NTSR1: variants seen among roughly 807,000 people sequenced by gnomAD.
NTSR1 encodes neurotensin receptor type 1.
A neutral mutation model predicts 31.2 loss-of-function variants in NTSR1; 29 were observed. That is an observed-to-expected ratio of 0.93 (90% CI 0.69 to 1.27). NTSR1 has a LOEUF of 1.27. Among genes scored for constraint, NTSR1 ranks in the 50% most tolerant of loss-of-function variants. NTSR1 has a pLI of 0.00. For synonymous variants in NTSR1, 282 were observed against 269.9 expected (o/e 1.04, Z -0.44); for missense variants, 697 against 595.4 (o/e 1.17, Z -1.78).
At chr20:62,717,728 T>TATCC (rs926353990) in intron 1 of NTSR1, among the ~76,000 whole-genome samples, 1 of 152,152 alleles carries the variant, frequency 6.6e-6, no homozygotes, top group Non-Finnish European at 1.5e-5. Flanking sequence ...GGCTAACATC[T>TATCC]TTCCTTCCTT....
rs541305307 is a variant in NTSR1 at position 62,740,646 on chromosome 20, G to A, written c.715-14039G>A. Among the ~76,000 whole-genome samples, 349 of 152,364 alleles carry A rather than the reference G, an allele frequency of 2.3e-3. 2 individuals are homozygous for A. The highest frequency in any genetic ancestry group is 4.5e-3 in the Non-Finnish European group (305 of 68,032). On this transcript the variant is annotated intron_variant, in intron 1 of 3. Transcript: ENST00000370501. ...CACGGTTTCCTCATCTGAGAAACAG[G>A]AGTGCGAGGCCCTACCAGGGATCCT...
chr20:62,713,735 T>C (rs1171904165), intron 1 of NTSR1, among the ~76,000 whole-genome samples: 1 of 152,236 alleles, frequency 6.6e-6, no homozygotes, highest in Non-Finnish European at 1.5e-5. Flanking sequence ...GCTGCAGCCC[T>C]GCCACAGGCA....
chr20:62,738,743 A>T (rs2427437), intron 1 of NTSR1, among the ~76,000 whole-genome samples: 3 of 152,242 alleles, frequency 2.0e-5, no homozygotes, highest in Non-Finnish European at 2.9e-5. Flanking sequence ...GTCCAGGCTC[A>T]CGCTGGTCCT....
In NTSR1 at chr20:62,709,762, C is replaced by T. The variant is rs1286313591; in HGVS notation, c.555C>T (p.Thr185=). ...KAKTLMSRSR[T]KKFISAIWLA... is the part of the protein sequence containing the mutation. ...AGACCCTCATGTCCCGAAGCCGCAC[C>T]AAGAAGTTCATCAGCGCCATCTGGC... is the stretch of plus-strand genomic sequence containing the variant. Residue 185 remains threonine (T), a synonymous_variant, in exon 1 of 4, where the codon ACC becomes ACT. Coordinates refer to ENST00000370501, the MANE Select transcript of NTSR1 (RefSeq NM_002531.3). The T allele has an allele frequency of 1.2e-6, 2 of 1,613,082 alleles. No homozygotes were observed. Among genetic ancestry groups the T allele is most frequent in the South Asian group, 2.2e-5 (2 of 91,090 alleles).
chr20:62,762,657 G>C lies in NTSR1; in HGVS notation c.*2390G>C, dbSNP rs1018621050. On this transcript the variant is annotated 3_prime_UTR_variant, in exon 4 of 4. Coordinates refer to ENST00000370501, the MANE Select transcript of NTSR1 (RefSeq NM_002531.3). ...TCCGGAGCCCCTGAGCCGGCCCCTGGTGACGGCACAGCCCTCACAGCTCAA... is the reference window on the plus strand; with the variant it reads ...TCCGGAGCCCCTGAGCCGGCCCCTGCTGACGGCACAGCCCTCACAGCTCAA... 6.6e-6 allele frequency: 1 copy of C among 152,124 alleles called. No homozygotes were observed. Among genetic ancestry groups the C allele is most frequent in the Non-Finnish European group, 1.5e-5 (1 of 68,022 alleles). The allele number at this position is 152,124 out of a possible 1,614,324, so 9.4% of individuals were successfully genotyped here.
intron 1 of NTSR1, among the ~76,000 whole-genome samples, chr20:62,737,071 CT>C (rs1201835390): frequency 1.3e-5 from 2 of 152,238 alleles, no homozygotes; most frequent in Non-Finnish European, 2.9e-5. Flanking sequence ...CCTTTATAAA[CT>C]ACACAGTCTC....
chr20:62,734,527 C>T (rs1173113112), intron 1 of NTSR1, among the ~76,000 whole-genome samples: 1 of 152,236 alleles, frequency 6.6e-6, no homozygotes, highest in African/African-American at 2.4e-5. Flanking sequence ...GCTCTGGGTT[C>T]TCTGCTGAGC....
chr20:62,731,233 C>T (rs1277088851), intron 1 of NTSR1, among the ~76,000 whole-genome samples: 1 of 152,060 alleles, frequency 6.6e-6, no homozygotes, highest in African/African-American at 2.4e-5. Context: ...TACAGGCGTG[C>T]ACCACCATGC....
At chr20:62,710,736 A>G (rs1426892405) in intron 1 of NTSR1, among the ~76,000 whole-genome samples, 2 of 152,168 alleles carry the variant, frequency 1.3e-5, no homozygotes, top group Non-Finnish European at 2.9e-5. Flanking sequence ...GGGGGGTTCC[A>G]GTGCTGGAGG....
rs528071350 is a variant in NTSR1 at position 62,733,380 on chromosome 20, G to A, written c.715-21305G>A. Among the ~76,000 whole-genome samples the A allele has an allele frequency of 3.9e-5, 6 of 152,306 alleles. No homozygotes were observed. Among genetic ancestry groups the A allele is most frequent in the South Asian group, 2.1e-4 (1 of 4,822 alleles). On this transcript the variant is annotated intron_variant, in intron 1 of 3. Coordinates refer to ENST00000370501, the MANE Select transcript of NTSR1 (RefSeq NM_002531.3). The surrounding 1 kb of genome is among the most constrained non-coding windows in gnomAD (Gnocchi z 5.2). ...GTTGAAGCTTGCTGCGCTCCTTTCCGGGAGCAAATGAGCATCTCTCGGGAC... is the reference window on the plus strand; with the variant it reads ...GTTGAAGCTTGCTGCGCTCCTTTCCAGGAGCAAATGAGCATCTCTCGGGAC...
intron 1 of NTSR1, among the ~76,000 whole-genome samples, chr20:62,750,412 C>T (rs539756400): frequency 6.6e-6 from 1 of 152,110 alleles, no homozygotes; most frequent in Non-Finnish European, 1.5e-5. Flanking sequence ...GCATTGCGGC[C>T]GGGCGTGGTG....
intron 1 of NTSR1, among the ~76,000 whole-genome samples, chr20:62,730,623 C>T (rs1270228979): frequency 1.3e-5 from 2 of 152,194 alleles, no homozygotes; most frequent in East Asian, 1.9e-4. Flanking sequence ...CGTTGGAACA[C>T]GTGGTAAGGA....
intron 1 of NTSR1, among the ~76,000 whole-genome samples, chr20:62,729,632 T>A (rs1388646718): frequency 6.8e-6 from 1 of 147,538 alleles, no homozygotes; most frequent in Non-Finnish European, 1.5e-5. Context: ...TCTAATTTTT[T>A]TTTTTTTTTT....
In NTSR1 at chr20:62,709,016, A is replaced by T; in HGVS notation, c.-192A>T. On this transcript the variant is annotated 5_prime_UTR_variant, in exon 1 of 4. Coordinates refer to ENST00000370501, the MANE Select transcript of NTSR1 (RefSeq NM_002531.3). Reference sequence around the variant, plus strand: ...AAGCTGGGAGTCCGGAGGAGAGCGGAGCCCGGAGCCCGGAGCCCGGGGCGG... The same window carrying T: ...AAGCTGGGAGTCCGGAGGAGAGCGGTGCCCGGAGCCCGGAGCCCGGGGCGG... 4.3e-6 allele frequency: 2 copies of T among 460,216 alleles called. No individual in the cohort carries two copies. The highest frequency in any genetic ancestry group is 5.4e-4 in the Middle Eastern group (1 of 1,836). 28.5% of individuals were successfully genotyped at this position (460,216 alleles called of 1,614,324 possible).
At chr20:62,739,846 G>T (rs1989170742) in intron 1 of NTSR1, among the ~76,000 whole-genome samples, 1 of 152,282 alleles carries the variant, frequency 6.6e-6, no homozygotes, top group African/African-American at 2.4e-5. Context: ...CAGAACTGGA[G>T]AACAGGCCGG....
Position 62,715,310 on chromosome 20 carries a change from G to A in NTSR1, c.714+5389G>A, listed in dbSNP as rs1568695764. 6.6e-6 allele frequency among the ~76,000 whole-genome samples: 1 copy of A among 152,122 alleles called. No homozygotes were observed. Among genetic ancestry groups the A allele is most frequent in the South Asian group, 2.1e-4 (1 of 4,828 alleles). ...AGGTGGGAGACGGCAGGGTGAGGAC[G>A]TGCAGACATGCGGGTCCACCTCTGT... is the stretch of plus-strand genomic sequence containing the variant. On this transcript the variant is annotated intron_variant, in intron 1 of 3. Coordinates refer to ENST00000370501, the MANE Select transcript of NTSR1 (RefSeq NM_002531.3). The surrounding 1 kb of genome is among the most constrained non-coding windows in gnomAD (Gnocchi z 4.7).
At chr20:62,753,444 C>T (rs1397504471) in intron 1 of NTSR1, among the ~76,000 whole-genome samples, 1 of 152,218 alleles carries the variant, frequency 6.6e-6, no homozygotes, top group African/African-American at 2.4e-5. Flanking sequence ...TGCAGCCCAG[C>T]CCAGGGAATC....
chr20:62,718,325 C>T (rs1434037200), intron 1 of NTSR1, among the ~76,000 whole-genome samples: 1 of 151,998 alleles, frequency 6.6e-6, no homozygotes, highest in African/African-American at 2.4e-5. Context: ...TGGGGAGTGA[C>T]CAAGGAGTCC....
At chr20:62,725,869 C>T (rs1306631752) in intron 1 of NTSR1, among the ~76,000 whole-genome samples, 1 of 151,922 alleles carries the variant, frequency 6.6e-6, no homozygotes, top group Non-Finnish European at 1.5e-5. Context: ...CTAGCAGTGC[C>T]CAGGATCACC....
Sources: gnomAD v4.1 joint callset for allele counts (sites outside exome capture counted in the v4.1 genomes callset) on GRCh38, gnomAD v4.1.1 for gene constraint, Gnocchi (gnomAD v3.1) non-coding constraint, MANE v1.5 for transcripts, NCBI Gene and HGNC (gene_info 2026-07-23, HGNC 2026-07-21) for gene names.